Variants in SKOR2 observed in about 807,000 individuals in gnomAD.
SKOR2 encodes the protein SKI family transcriptional corepressor 2.
SKOR2 carries 47 observed loss-of-function variants against 69.1 expected under a neutral mutation model. That is an observed-to-expected ratio of 0.68 (90% CI 0.54 to 0.87). The LOEUF (loss-of-function observed/expected upper bound fraction) is 0.87. Ranked by LOEUF, SKOR2 falls within the 40% of genes least tolerant of loss-of-function variation. The pLI, the probability that SKOR2 is intolerant of heterozygous loss-of-function variation, is 0.00. For synonymous variants in SKOR2, 717 were observed against 672.6 expected (o/e 1.07, Z -1.02); for missense variants, 1,404 against 1,472.2 (o/e 0.95, Z 0.76).
At position 47,247,182 on chromosome 18, in the gene SKOR2, G is replaced by A. The variant is rs2064281525; in HGVS notation, c.2002C>T (p.His668Tyr). 2 of 1,325,758 alleles carry A rather than the reference G, an allele frequency of 1.5e-6. No individual in the cohort carries two copies. The highest frequency in any genetic ancestry group is 1.9e-6 in the Non-Finnish European group (2 of 1,040,236). 82.1% of individuals were successfully genotyped at this position (1,325,758 alleles called of 1,614,324 possible). Residue 668 changes from histidine to tyrosine, a missense_variant, in exon 2 of 9, where the codon CAC (histidine) becomes TAC (tyrosine). By Grantham distance (83) the His-to-Tyr change is moderately conservative (BLOSUM62 2). Around this residue, in one of 3 missense-constraint regions of SKOR2, gnomAD observed 1,266 missense variants for 1,309.9 expected, o/e 0.97. Transcript: ENST00000425639. This position sits in a 1 kb window ranked among gnomAD's most constrained non-coding sequence, Gnocchi z 6.6. ...AGCGGCGACGGCGGCTGCGGGGGGT[G>A]GTGGTGGTGGTGGTGGTGGTGAGGG... ...HHPHHHHHHHHPPQPPSPLLL... is the reference protein window; with the variant it reads ...HHPHHHHHHHYPPQPPSPLLL...
In SKOR2 at chr18:47,229,452, G is replaced by C. The variant is rs955765629; in HGVS notation, c.2917+1007C>G. On this transcript the variant is annotated intron_variant, in intron 6 of 8. Coordinates refer to ENST00000425639, the MANE Select transcript of SKOR2 (RefSeq NM_001278063.4). ...GCGGATCACCTGAGGTCAGGAGTTC[G>C]AGACCTGCCTGACCAATATGGTGAA... Among the ~76,000 whole-genome samples, 13 of 152,184 alleles carry C rather than the reference G, an allele frequency of 8.5e-5. No homozygotes were observed. The Middle Eastern group carries it at 0.01, about 119-fold the overall frequency.
rs897323443 is a variant in SKOR2 at position 47,206,828 on chromosome 18, G to A, written c.*68C>T. On this transcript the variant is annotated 3_prime_UTR_variant, in exon 9 of 9. Coordinates refer to ENST00000425639, the MANE Select transcript of SKOR2 (RefSeq NM_001278063.4). The stretch of plus-strand genomic sequence containing the variant: ...CCTTTCGATCTGCAGTCTTTAACAC[G>A]GGTCAGAAGTGCTCCATGGCAGGCT... 3 of 152,086 alleles carry A rather than the reference G, an allele frequency of 2.0e-5. No individual in the cohort carries two copies. The highest frequency in any genetic ancestry group is 7.2e-5 in the African/African-American group (3 of 41,406). The allele number at this position is 152,086 out of a possible 1,614,324, so 9.4% of individuals were successfully genotyped here.
chr18:47,234,531 T>C (rs1170128693), intron 4 of SKOR2: 1 of 152,168 alleles, frequency 6.6e-6, no homozygotes, highest in Non-Finnish European at 1.5e-5. Flanking sequence ...TTAGTATATG[T>C]GCTGCCAAAG....
At chr18:47,212,786 A>C (rs2064131670) in intron 7 of SKOR2, among the ~76,000 whole-genome samples, 1 of 152,096 alleles carries the variant, frequency 6.6e-6, no homozygotes, top group African/African-American at 2.4e-5. Context: ...CAGCTTGGGC[A>C]ACATAGGAAG....
Position 47,230,502 on chromosome 18 carries a change from T to C in SKOR2, c.2874A>G (p.Gln958=). 6.9e-7 allele frequency: 1 copy of C among 1,452,616 alleles called. No individual in the cohort carries two copies. Among genetic ancestry groups the C allele is most frequent in the Middle Eastern group, 1.8e-4 (1 of 5,448 alleles). 90.0% of individuals were successfully genotyped at this position (1,452,616 alleles called of 1,614,324 possible). A position where few individuals can be genotyped will look rare whatever the true frequency, so the allele number is the denominator to read the frequency against. The change falls in exon 6 of 9, where the codon CAA becomes CAG. Residue 958 remains glutamine (Q), a synonymous_variant. Transcript: ENST00000425639. ...EQIDLRRRLE[Q]EFQVLKGNTS... ...TGTTTCCTTTTAACACCTGGAATTC[T>C]TGTTCCAGTCGTCTCCGTAAATCTA...
intron 2 of SKOR2, 145 bp from the exon 3 acceptor site, chr18:47,245,706 C>T (rs1436734309): frequency 1.8e-5 from 12 of 658,750 alleles, no homozygotes; most frequent in Non-Finnish European, 2.7e-5. Context: ...TCTTTGAATA[C>T]TTTTTTACTT....
At chr18:47,225,441 A>G (rs1433337387) in intron 6 of SKOR2, among the ~76,000 whole-genome samples, 1 of 152,206 alleles carries the variant, frequency 6.6e-6, no homozygotes, top group African/African-American at 2.4e-5. Context: ...CTCTTTGGGT[A>G]TAACCCCAAT....
Position 47,246,953 on chromosome 18 carries a change from A to G in SKOR2, c.2231T>C (p.Val744Ala). The G allele has an allele frequency of 6.7e-7, 1 of 1,491,786 alleles. No homozygotes were observed. The highest frequency in any genetic ancestry group is 2.2e-5 in the Admixed American group (1 of 45,554). The allele number at this position is 1,491,786 out of a possible 1,614,324, so 92.4% of individuals were successfully genotyped here. ...GGGGGGCTTGTGGCCCTCCACGTCC[A>G]CCTCCTGCTCTTCTTCCTCGTCGTC... ...DEDDEEEEQE[V>A]DVEGHKPPEG... The change falls in exon 2 of 9, where the codon GTG becomes GCG. Residue 744 changes from valine (V) to alanine (A), a missense_variant. Transcript: ENST00000425639.
At chr18:47,212,060 A>C in intron 8 of SKOR2, 26 bp downstream of exon 8, 1 of 1,231,568 alleles carries the variant, frequency 8.1e-7, no homozygotes, top group Non-Finnish European at 1.0e-6. Context: ...AGAGTTAAGA[A>C]AATCTCTTTC....
intron 4 of SKOR2, among the ~76,000 whole-genome samples, chr18:47,231,905 C>T (rs2064201316): frequency 6.7e-6 from 1 of 150,202 alleles, no homozygotes; most frequent in Non-Finnish European, 1.5e-5. Flanking sequence ...AATTGGGAGG[C>T]TGAGGCGGGA....
At chr18:47,237,800 G>A (rs942817510) in intron 4 of SKOR2, among the ~76,000 whole-genome samples, 7 of 151,020 alleles carry the variant, frequency 4.6e-5, no homozygotes, top group Admixed American at 1.3e-4. Context: ...GGGCTCATGC[G>A]ATCCTCCCAC....
At chr18:47,218,474 CAGCTATTTGGGA>C (rs1177139060) in intron 7 of SKOR2, among the ~76,000 whole-genome samples, 2 of 150,690 alleles carry the variant, frequency 1.3e-5, no homozygotes, top group Non-Finnish European at 2.9e-5. Context: ...CCTGCAGTTC[CAGCTATTTGGGA>C]GGCTGAGGTG....
At position 47,234,864 on chromosome 18, in the gene SKOR2, G is replaced by GAAA. The variant is rs769601681; in HGVS notation, c.2753-3867_2753-3865dup. ...TGACAGAGCAAAACTCCATCTCAGGGAAAAAAAAAAAGAGAGGGGGTGGGG... is the reference window on the plus strand; with the variant it reads ...TGACAGAGCAAAACTCCATCTCAGGGAAAAAAAAAAAAAAGAGAGGGGGTGGGG... On this transcript the variant is annotated intron_variant, in intron 4 of 8. Coordinates refer to ENST00000425639, the MANE Select transcript of SKOR2 (RefSeq NM_001278063.4). 1.7e-3 allele frequency among the ~76,000 whole-genome samples: 183 copies of GAAA among 109,086 alleles called. 3 individuals carry two copies. The highest frequency in any genetic ancestry group is 6.0e-3 in the African/African-American group (175 of 29,052). The allele number at this position is 109,086 out of a possible 152,430, so 71.6% of individuals were successfully genotyped here. A position where few individuals can be genotyped will look rare whatever the true frequency, so the allele number is the denominator to read the frequency against.
chr18:47,221,909 G>A (rs778837199), intron 6 of SKOR2, among the ~76,000 whole-genome samples: 9 of 152,174 alleles, frequency 5.9e-5, no homozygotes, highest in Non-Finnish European at 1.3e-4. Context: ...CCACCAGCAG[G>A]TTGAGATTCT....
intron 7 of SKOR2, among the ~76,000 whole-genome samples, chr18:47,219,060 C>T (rs1456264447): frequency 2.0e-5 from 3 of 152,188 alleles, no homozygotes; most frequent in African/African-American, 7.2e-5. Context: ...GCTCTGTAGA[C>T]AAGACAGGCA....
At chr18:47,250,497 C>A (rs1430381757) in intron 1 of SKOR2, among the ~76,000 whole-genome samples, 3 of 152,246 alleles carry the variant, frequency 2.0e-5, no homozygotes, top group Non-Finnish European at 2.9e-5. Context: ...CCAAGGCATG[C>A]TTTGCCCTGA....
In SKOR2 at chr18:47,247,558, G is replaced by C. The variant is rs548798079; in HGVS notation, c.1626C>G (p.Ser542=). Residue 542 remains serine (S), a synonymous_variant, in exon 2 of 9, where the codon TCC becomes TCG. Transcript: ENST00000425639. The surrounding 1 kb of genome is among the most constrained non-coding windows in gnomAD (Gnocchi z 6.6). ...CGCCCCCGGCAGGAGGAGGTGGGCC[G>C]GAGCCCGGGCCGTTGGCCACTACCT... is the stretch of plus-strand genomic sequence containing the variant. ...PPQVVANGPG[S]GPPPPAGGAG... The C allele has an allele frequency of 1.5e-3, 1,880 of 1,231,554 alleles. 17 individuals carry two copies. The African/African-American group carries it at 0.027, about 18-fold the overall frequency. 76.3% of individuals were successfully genotyped at this position (1,231,554 alleles called of 1,614,324 possible).
intron 4 of SKOR2, among the ~76,000 whole-genome samples, chr18:47,242,906 C>T (rs2064255271): frequency 6.6e-6 from 1 of 152,142 alleles, no homozygotes; most frequent in South Asian, 2.1e-4. Flanking sequence ...GCAGGTTTCA[C>T]ATCCTGCCTC....
intron 6 of SKOR2, among the ~76,000 whole-genome samples, chr18:47,220,838 G>A (rs1223677169): frequency 6.6e-6 from 1 of 152,084 alleles, no homozygotes; most frequent in Admixed American, 6.6e-5. Context: ...GTGGTTGATA[G>A]GGCAGCAGCT....
Sources: gnomAD v4.1 joint callset for allele counts (sites outside exome capture counted in the v4.1 genomes callset) on GRCh38, gnomAD v4.1.1 for gene constraint, gnomAD v4.1.1 regional missense constraint, Gnocchi (gnomAD v3.1) non-coding constraint, MANE v1.5 for transcripts, NCBI Gene and HGNC (gene_info 2026-07-23, HGNC 2026-07-21) for gene names.